Variants in UBE2F observed in about 807,000 individuals in gnomAD.
UBE2F encodes ubiquitin conjugating enzyme E2 F (putative).
A neutral mutation model predicts 29.6 loss-of-function variants in UBE2F; 5 were observed. That is an observed-to-expected ratio of 0.17 (90% CI 0.09 to 0.36). The LOEUF (loss-of-function observed/expected upper bound fraction) is 0.36, where lower values mean the gene tolerates loss of function less well. UBE2F is among the 10% of genes least tolerant of loss of function. The probability of loss-of-function intolerance (pLI) is 1.00; values close to 1 mark genes in which losing one functional copy is unlikely to be tolerated. For synonymous variants in UBE2F, 66 were observed against 81.8 expected (o/e 0.81, Z 1.04); for missense variants, 141 against 228.5 (o/e 0.62, Z 2.47).
intron 3 of UBE2F, among the ~76,000 whole-genome samples, chr2:237,992,358 C>T (rs770928959): frequency 2.0e-5 from 3 of 152,322 alleles, no homozygotes; most frequent in Middle Eastern, 3.4e-3. Flanking sequence ...TGGCATTTAT[C>T]TTTGCAAGTT....
At chr2:238,030,928 AG>A (rs1559227717) in intron 7 of UBE2F, among the ~76,000 whole-genome samples, 1 of 152,240 alleles carries the variant, frequency 6.6e-6, no homozygotes, top group Non-Finnish European at 1.5e-5. Flanking sequence ...TTCATTCAAC[AG>A]GGATGTCTTG....
At chr2:237,976,024 G>A (rs1326702118) in intron 2 of UBE2F, among the ~76,000 whole-genome samples, 2 of 152,230 alleles carry the variant, frequency 1.3e-5, no homozygotes, top group Non-Finnish European at 2.9e-5. Context: ...AAAGTGGAGT[G>A]AGAATGGTAT....
At chr2:238,036,999 A>G (rs2064726529) in intron 9 of UBE2F, among the ~76,000 whole-genome samples, 1 of 152,186 alleles carries the variant, frequency 6.6e-6, no homozygotes, top group African/African-American at 2.4e-5. Context: ...CCTATTCATT[A>G]CTGTTTTTAA....
At chr2:238,010,333 C>T (rs6721313) in intron 4 of UBE2F, among the ~76,000 whole-genome samples, 14,931 of 152,160 alleles carry the variant, frequency 0.098, 1,041 homozygotes, top group African/African-American at 0.2. Flanking sequence ...GCCACTATGC[C>T]CGACTGATTT....
intron 3 of UBE2F, 48 bp from the exon 4 acceptor site, chr2:237,994,696 G>A: frequency 6.8e-7 from 1 of 1,479,402 alleles, no homozygotes; most frequent in Non-Finnish European, 9.5e-7. Context: ...TCAACATATG[G>A]ACTGCTGCTC....
chr2:238,037,188 C>T (rs2064731330), intron 9 of UBE2F, among the ~76,000 whole-genome samples: 1 of 152,078 alleles, frequency 6.6e-6, no homozygotes, highest in Non-Finnish European at 1.5e-5. Context: ...TCCAGTAAGA[C>T]ACCTATTTAA....
chr2:237,978,296 A>C (rs1042688090), intron 2 of UBE2F, among the ~76,000 whole-genome samples: 1 of 152,170 alleles, frequency 6.6e-6, no homozygotes, highest in African/African-American at 2.4e-5. Flanking sequence ...CGCCTGGCTC[A>C]TTGCCTTGCT....
chr2:237,976,171 G>A (rs2063279164), intron 2 of UBE2F, among the ~76,000 whole-genome samples: 1 of 152,248 alleles, frequency 6.6e-6, no homozygotes, highest in Non-Finnish European at 1.5e-5. Flanking sequence ...GTGCCTGATA[G>A]GACTTGAGTG....
chr2:237,982,417 A>G lies in UBE2F; in HGVS notation c.119-5546A>G, dbSNP rs995392155. ...ACCTCACCTCTTCCCTTGTCACTAG[A>G]CTGTCCTCTTGAACCTTTTGCTTGT... On this transcript the variant is annotated intron_variant, in intron 2 of 9. Transcript: ENST00000272930. This position sits in a 1 kb window ranked among gnomAD's most constrained non-coding sequence, Gnocchi z 4.1. Among the ~76,000 whole-genome samples, 4 of 151,910 alleles carry G rather than the reference A, an allele frequency of 2.6e-5. No individual in the cohort carries two copies. The highest frequency in any genetic ancestry group is 9.7e-5 in the African/African-American group (4 of 41,340).
chr2:238,029,286 T>TAA (rs748001439), intron 6 of UBE2F, among the ~76,000 whole-genome samples: 9 of 129,004 alleles, frequency 7.0e-5, no homozygotes, highest in African/African-American at 2.5e-4. Flanking sequence ...TTTAAAAAAA[T>TAA]AAAAAAAAAA....
At chr2:237,979,012 C>T (rs865833054) in intron 2 of UBE2F, among the ~76,000 whole-genome samples, 2 of 152,322 alleles carry the variant, frequency 1.3e-5, no homozygotes, top group South Asian at 4.1e-4. Context: ...GTTCACCCAA[C>T]ATGCATTGTA....
At chr2:237,997,317 G>A (rs2063712019) in intron 4 of UBE2F, among the ~76,000 whole-genome samples, 1 of 152,050 alleles carries the variant, frequency 6.6e-6, no homozygotes, top group Admixed American at 6.5e-5. Context: ...TGTACTTCAG[G>A]GACATTAACA....
At position 237,972,683 on chromosome 2, in the gene UBE2F, T is replaced by G. The variant is rs573707135; in HGVS notation, c.-16-409T>G. 9.2e-5 allele frequency among the ~76,000 whole-genome samples: 14 copies of G among 151,588 alleles called. No individual in the cohort carries two copies. The South Asian group carries it at 2.9e-3, about 32-fold the overall frequency. The stretch of plus-strand genomic sequence containing the variant: ...CTCCTACCTCAGCTTCCCGAGTAGC[T>G]GAGACTACAGGCACACACCACCACT... On this transcript the variant is annotated intron_variant, in intron 1 of 9. Transcript: ENST00000272930.
intron 4 of UBE2F, among the ~76,000 whole-genome samples, chr2:238,003,213 T>G (rs1278608354): frequency 6.6e-6 from 1 of 152,234 alleles, no homozygotes; most frequent in Non-Finnish European, 1.5e-5. Context: ...GGTGGAATCT[T>G]TTCTTTCAAA....
At chr2:238,009,997 T>C (rs2063985180) in intron 4 of UBE2F, among the ~76,000 whole-genome samples, 1 of 152,216 alleles carries the variant, frequency 6.6e-6, no homozygotes, top group Non-Finnish European at 1.5e-5. Flanking sequence ...TAAGCTCTAC[T>C]TCACTGGCTG....
intron 3 of UBE2F, among the ~76,000 whole-genome samples, chr2:237,994,351 C>T (rs1271862477): frequency 6.6e-6 from 1 of 152,126 alleles, no homozygotes; most frequent in Non-Finnish European, 1.5e-5. Flanking sequence ...CAGAGTTGAC[C>T]TGGGCTCTTT....
chr2:238,021,685 G>A (rs1424435847), intron 5 of UBE2F, among the ~76,000 whole-genome samples: 1 of 152,214 alleles, frequency 6.6e-6, no homozygotes, highest in East Asian at 1.9e-4. Context: ...CAGACTTTCT[G>A]TAAAGGGCTA....
rs752873728 is a variant in UBE2F at position 237,994,802 on chromosome 2, A to T, written c.207A>T (p.Val69=). Residue 69 remains valine, a synonymous_variant, in exon 4 of 10, where the codon GTA becomes GTT. Transcript: ENST00000272930. ...PNKLHCFQLT[V]TPDEGYYQGG... ...AGCTTCATTGTTTTCAGCTAACAGT[A>T]ACCCCAGGTAATATTCTTACATAAG... is the stretch of plus-strand genomic sequence containing the variant. 1.9e-6 allele frequency: 3 copies of T among 1,613,704 alleles called. No homozygotes were observed. Among genetic ancestry groups the T allele is most frequent in the South Asian group, 2.2e-5 (2 of 91,078 alleles).
intron 2 of UBE2F, among the ~76,000 whole-genome samples, chr2:237,978,757 A>G (rs1199207080): frequency 6.6e-6 from 1 of 152,098 alleles, no homozygotes; most frequent in East Asian, 1.9e-4. Flanking sequence ...AGAGAGTCAG[A>G]TCTGCATTTG....
Sources: gnomAD v4.1 joint callset for allele counts (sites outside exome capture counted in the v4.1 genomes callset) on GRCh38, gnomAD v4.1.1 for gene constraint, Gnocchi (gnomAD v3.1) non-coding constraint, MANE v1.5 for transcripts, NCBI Gene and HGNC (gene_info 2026-07-23, HGNC 2026-07-21) for gene names.